Variants in EIF2B3 observed in about 807,000 individuals in gnomAD.
The protein encoded by EIF2B3 is eukaryotic translation initiation factor 2B subunit gamma, also known as translation initiation factor eIF2B subunit gamma.
EIF2B3 carries 20 observed loss-of-function variants against 54.1 expected under a neutral mutation model. That is an observed-to-expected ratio of 0.37 (90% CI 0.26 to 0.54). The LOEUF is 0.54. Ranked by LOEUF, EIF2B3 falls within the 20% of genes least tolerant of loss-of-function variation. The pLI, the probability that EIF2B3 is intolerant of heterozygous loss-of-function variation, is 0.86. For synonymous variants in EIF2B3, 153 were observed against 188.1 expected (o/e 0.81, Z 1.52); for missense variants, 448 against 547.8 (o/e 0.82, Z 1.82).
intron 6 of EIF2B3, among the ~76,000 whole-genome samples, chr1:44,882,153 T>G (rs1655421031): frequency 6.6e-6 from 1 of 152,250 alleles, no homozygotes; most frequent in South Asian, 2.1e-4. Context: ...TGCGAGTTAC[T>G]GTGCTAGGCC....
chr1:44,874,530 T>C (rs574334340), intron 10 of EIF2B3, 148 bp downstream of exon 10: 3 of 820,486 alleles, frequency 3.7e-6, no homozygotes, highest in African/African-American at 3.5e-5. Context: ...TTGAGACTTT[T>C]GATATCTGAA....
chr1:44,924,459 C>T (rs913503514), intron 5 of EIF2B3, among the ~76,000 whole-genome samples: 1 of 152,120 alleles, frequency 6.6e-6, no homozygotes, highest in Non-Finnish European at 1.5e-5. Flanking sequence ...GCAATCTAGG[C>T]TCACTGCAAC....
At chr1:44,954,555 G>A (rs1644202210) in intron 3 of EIF2B3, among the ~76,000 whole-genome samples, 1 of 152,132 alleles carries the variant, frequency 6.6e-6, no homozygotes, top group Admixed American at 6.6e-5. Flanking sequence ...GAATGCTTGT[G>A]ATTTTTGCAC....
At chr1:44,915,542 T>C (rs1001659971) in intron 5 of EIF2B3, among the ~76,000 whole-genome samples, 5 of 151,800 alleles carry the variant, frequency 3.3e-5, no homozygotes, top group East Asian at 1.9e-4. Context: ...AAAAAAAATA[T>C]TTATAGAGAT....
intron 3 of EIF2B3, among the ~76,000 whole-genome samples, chr1:44,957,259 T>TGTATCAAAACAAAAACA (rs72291269): frequency 0.19 from 28,574 of 152,048 alleles, 2,843 homozygotes; most frequent in African/African-American, 0.23. Flanking sequence ...GGGCAAGACC[T>TGTATCAAAACAAAAACA]AAAAGTTTTC....
At chr1:44,986,144 T>C (rs542888956) in intron 1 of EIF2B3, among the ~76,000 whole-genome samples, 21,804 of 149,362 alleles carry the variant, frequency 0.15, 1,644 homozygotes, top group Non-Finnish European at 0.17. Flanking sequence ...TTTTCTTTTT[T>C]TTTTTTTTTT....
In EIF2B3 at chr1:44,970,595, T is replaced by C. The variant is rs1644389840; in HGVS notation, c.294+7720A>G. Among the ~76,000 whole-genome samples, 3 of 152,216 alleles carry C rather than the reference T, an allele frequency of 2.0e-5. No homozygotes were observed. The South Asian group carries it at 6.2e-4, about 31-fold the overall frequency. On this transcript the variant is annotated intron_variant, in intron 3 of 11. Transcript: ENST00000360403. The stretch of plus-strand genomic sequence containing the variant: ...GCCACTGTGTCATGCATGGCACAGC[T>C]GCTCAGTGCAACTTTCTCCTTTAGA...
chr1:44,920,646 CTTTCTG>C (rs1643720638), intron 5 of EIF2B3, among the ~76,000 whole-genome samples: 1 of 152,152 alleles, frequency 6.6e-6, no homozygotes, highest in African/African-American at 2.4e-5. Context: ...TGCAGTTTGT[CTTTCTG>C]AGCCTGGCTT....
intron 3 of EIF2B3, among the ~76,000 whole-genome samples, chr1:44,958,147 G>A (rs59520317): frequency 0.01 from 1,569 of 152,288 alleles, 29 homozygotes; most frequent in African/African-American, 0.036. Context: ...GAGAAGGGAA[G>A]GCCTGGGTCT....
chr1:44,917,695 T>C (rs1643651113), intron 5 of EIF2B3, among the ~76,000 whole-genome samples: 1 of 149,526 alleles, frequency 6.7e-6, no homozygotes, highest in African/African-American at 2.5e-5. Context: ...TCCCCAGATA[T>C]GCCCATTTGT....
At chr1:44,871,118 C>G (rs1481940986) in intron 10 of EIF2B3, among the ~76,000 whole-genome samples, 1 of 152,218 alleles carries the variant, frequency 6.6e-6, no homozygotes, top group Non-Finnish European at 1.5e-5. Flanking sequence ...CTTGCTCTTC[C>G]TCTACTAATT....
At chr1:44,945,017 T>C (rs1644081289) in intron 3 of EIF2B3, among the ~76,000 whole-genome samples, 1 of 152,118 alleles carries the variant, frequency 6.6e-6, no homozygotes, top group South Asian at 2.1e-4. Context: ...CAAAGAGTCT[T>C]GTTTGCTCAG....
intron 3 of EIF2B3, among the ~76,000 whole-genome samples, chr1:44,946,403 A>G (rs1207083160): frequency 1.3e-5 from 2 of 150,476 alleles, no homozygotes; most frequent in African/African-American, 4.8e-5. Flanking sequence ...TCAGAAGAAG[A>G]AAGAAAGGAA....
At chr1:44,981,263 G>A (rs1442154146) in intron 1 of EIF2B3, 86 bp from the exon 2 acceptor site, 19 of 1,387,468 alleles carry the variant, frequency 1.4e-5, no homozygotes, top group Admixed American at 1.0e-4. Context: ...TTTTTATTTA[G>A]GTTACTGATA....
intron 3 of EIF2B3, among the ~76,000 whole-genome samples, chr1:44,966,808 A>G (rs1354989475): frequency 6.6e-6 from 1 of 152,152 alleles, no homozygotes; most frequent in Non-Finnish European, 1.5e-5. Flanking sequence ...CCACAAACAG[A>G]TGAAATCCAT....
At chr1:44,975,891 C>T (rs150554806) in intron 3 of EIF2B3, among the ~76,000 whole-genome samples, 179 of 152,160 alleles carry the variant, frequency 1.2e-3, no homozygotes, top group Non-Finnish European at 2.0e-3. Flanking sequence ...ATCAGTTGAA[C>T]CTGAGAGGTG....
intron 3 of EIF2B3, among the ~76,000 whole-genome samples, chr1:44,950,717 CTT>C (rs887567424): frequency 6.6e-6 from 1 of 152,062 alleles, no homozygotes; most frequent in African/African-American, 2.4e-5. Flanking sequence ...AGACAAGAGT[CTT>C]GCTCTATCGC....
At chr1:44,880,407 G>A (rs1655352315) in intron 7 of EIF2B3, among the ~76,000 whole-genome samples, 1 of 152,130 alleles carries the variant, frequency 6.6e-6, no homozygotes, top group African/African-American at 2.4e-5. Context: ...CGGTAATCAA[G>A]ACCACTAGGG....
At chr1:44,907,685 G>A (rs1643439775) in intron 5 of EIF2B3, among the ~76,000 whole-genome samples, 1 of 152,018 alleles carries the variant, frequency 6.6e-6, no homozygotes, top group African/African-American at 2.4e-5. Context: ...GGGATCACCT[G>A]AGGTCAGGAG....
Sources: allele counts gnomAD v4.1 joint callset (sites outside exome capture counted in the v4.1 genomes callset), GRCh38; gene constraint gnomAD v4.1.1; transcripts MANE v1.5; gene names NCBI Gene and HGNC (gene_info 2026-07-23, HGNC 2026-07-21).